Variants in MIPOL1 observed in about 807,000 individuals in gnomAD.
The protein encoded by MIPOL1 is mirror-image polydactyly 1.
MIPOL1 carries 57 observed loss-of-function variants against 60.9 expected under a neutral mutation model. That is an observed-to-expected ratio of 0.94 (90% CI 0.76 to 1.17). MIPOL1 has a LOEUF of 1.17. MIPOL1 is among the 50% of genes most tolerant of loss of function. The pLI is 0.00. For missense variants in MIPOL1, 551 were observed against 511.6 expected (o/e 1.08, Z -0.74); for synonymous variants, 179 against 168.8 (o/e 1.06, Z -0.47).
intron 9 of MIPOL1, among the ~76,000 whole-genome samples, chr14:37,336,281 T>A (rs548154891): frequency 1.3e-3 from 202 of 151,618 alleles, no homozygotes; most frequent in African/African-American, 4.8e-3. Flanking sequence ...CATGTCTGTC[T>A]TTATGCCAAT....
chr14:37,226,359 A>G (rs1969733559), intron 1 of MIPOL1, among the ~76,000 whole-genome samples: 1 of 152,346 alleles, frequency 6.6e-6, no homozygotes, highest in African/African-American at 2.4e-5. Flanking sequence ...TCACAGTTCC[A>G]TGTGGTGGAC....
chr14:37,206,946 G>A (rs1966187380), intron 1 of MIPOL1, among the ~76,000 whole-genome samples: 1 of 152,190 alleles, frequency 6.6e-6, no homozygotes, highest in African/African-American at 2.4e-5. Flanking sequence ...GCTCACAGGT[G>A]GAAAAGACTT....
At position 37,499,380 on chromosome 14, in the gene MIPOL1, A is replaced by G. The variant is rs560308070; in HGVS notation, c.1032-528A>G. On this transcript the variant is annotated intron_variant, in intron 11 of 12. Coordinates refer to ENST00000684589, the MANE Select transcript of MIPOL1 (RefSeq NM_001388067.1). ...TATGAATACATTTTATTTCTGTGCA[A>G]TCTGACTAGTGATTTTAAATTCATT... Among the ~76,000 whole-genome samples, 26 of 152,306 alleles carry G rather than the reference A, an allele frequency of 1.7e-4. No homozygotes were observed. The East Asian group carries it at 4.2e-3, about 25-fold the overall frequency.
intron 10 of MIPOL1, chr14:37,399,907 T>G (rs1040550700): frequency 4.6e-5 from 7 of 152,142 alleles, no homozygotes; most frequent in Admixed American, 1.3e-4. Context: ...ACTGGGACTT[T>G]TTACATCCCA....
intron 1 of MIPOL1, among the ~76,000 whole-genome samples, chr14:37,228,186 A>AT (rs930904853): frequency 6.6e-6 from 1 of 152,014 alleles, no homozygotes; most frequent in African/African-American, 2.4e-5. Context: ...CACATTACAC[A>AT]TTTTTCTCTC....
intron 9 of MIPOL1, among the ~76,000 whole-genome samples, chr14:37,327,551 C>G (rs965365786): frequency 1.3e-5 from 2 of 152,174 alleles, no homozygotes; most frequent in African/African-American, 4.8e-5. Flanking sequence ...TTCCAAAGTG[C>G]CAGGATTACA....
chr14:37,435,853 C>T (rs1403123154), intron 11 of MIPOL1, among the ~76,000 whole-genome samples: 2 of 152,046 alleles, frequency 1.3e-5, no homozygotes, highest in Admixed American at 1.3e-4. Flanking sequence ...GCATGGTAAC[C>T]TGCACAAATT....
rs138314185 is a variant in MIPOL1 at position 37,365,522 on chromosome 14, G to A, written c.829-3995G>A. Among the ~76,000 whole-genome samples, 289 of 152,120 alleles carry A rather than the reference G, an allele frequency of 1.9e-3. 2 individuals are homozygous for A. Among genetic ancestry groups the A allele is most frequent in the South Asian group, 0.015 (73 of 4,822 alleles). On this transcript the variant is annotated intron_variant, in intron 9 of 12. Transcript: ENST00000684589. ...TGATGTATCACATTGATTGATTTGCGTATGTTGAATCATCCTTGCATCCCA... is the reference window on the plus strand; with the variant it reads ...TGATGTATCACATTGATTGATTTGCATATGTTGAATCATCCTTGCATCCCA...
intron 11 of MIPOL1, among the ~76,000 whole-genome samples, chr14:37,430,083 C>T (rs573954612): frequency 1.3e-5 from 2 of 152,174 alleles, no homozygotes; most frequent in South Asian, 4.1e-4. Context: ...TTTTGTCACA[C>T]CTCTGTTTTC....
intron 5 of MIPOL1, among the ~76,000 whole-genome samples, chr14:37,270,109 G>A (rs569640092): frequency 6.6e-6 from 1 of 152,226 alleles, no homozygotes; most frequent in East Asian, 1.9e-4. Context: ...GATTACAGGC[G>A]TGAGCAACCA....
intron 1 of MIPOL1, among the ~76,000 whole-genome samples, chr14:37,198,464 C>T (rs8008529): frequency 0.044 from 6,695 of 152,172 alleles, 289 homozygotes; most frequent in Admixed American, 0.099. Flanking sequence ...CTCTGATCGA[C>T]TCTGTGCCCA....
intron 10 of MIPOL1, among the ~76,000 whole-genome samples, chr14:37,396,693 T>G (rs1566517916): frequency 2.0e-5 from 3 of 152,076 alleles, no homozygotes. Context: ...TTCTTAGTCT[T>G]TGTTGGATTG....
At chr14:37,491,895 T>C (rs1406523273) in intron 11 of MIPOL1, among the ~76,000 whole-genome samples, 2 of 152,230 alleles carry the variant, frequency 1.3e-5, no homozygotes, top group East Asian at 3.8e-4. Context: ...TACACACTCT[T>C]ATCCATTCTG....
At position 37,285,328 on chromosome 14, in the gene MIPOL1, A is replaced by G. The variant is rs773724958; in HGVS notation, c.504A>G (p.Glu168=). 6 of 1,613,892 alleles carry G rather than the reference A, an allele frequency of 3.7e-6. No homozygotes were observed. The African/African-American group carries it at 8.0e-5, about 22-fold the overall frequency. ...KIAEKTAALV[E]EVYFAQKERD... ...TATATATTTTGGTAGCTCTGGTTGA[A>G]GAAGTGTATTTTGCGCAGAAGGAAC... Residue 168 remains glutamate, a synonymous_variant, in exon 7 of 13, where the codon GAA becomes GAG. Transcript: ENST00000684589.
chr14:37,482,792 A>T (rs1469110368), intron 11 of MIPOL1, among the ~76,000 whole-genome samples: 1 of 152,106 alleles, frequency 6.6e-6, no homozygotes, highest in Non-Finnish European at 1.5e-5. Flanking sequence ...ACAAAAGTTA[A>T]CAAGTGTCAG....
chr14:37,332,710 G>T (rs2089812283), intron 9 of MIPOL1, among the ~76,000 whole-genome samples: 1 of 134,608 alleles, frequency 7.4e-6, no homozygotes, highest in South Asian at 2.5e-4. Flanking sequence ...AATTTTAGTT[G>T]TCAATCTGTG....
chr14:37,355,216 A>G (rs2091713807), intron 9 of MIPOL1, among the ~76,000 whole-genome samples: 2 of 144,484 alleles, frequency 1.4e-5, no homozygotes, highest in Non-Finnish European at 1.5e-5. Flanking sequence ...CTTTTCTTTA[A>G]GAATGTTGAA....
At chr14:37,366,430 G>A (rs553197080) in intron 9 of MIPOL1, among the ~76,000 whole-genome samples, 27 of 151,866 alleles carry the variant, frequency 1.8e-4, no homozygotes, top group Non-Finnish European at 3.7e-4. Flanking sequence ...GGAGCATATT[G>A]TTTAATTTTG....
chr14:37,200,431 G>A (rs922364176), intron 1 of MIPOL1, among the ~76,000 whole-genome samples: 9 of 152,208 alleles, frequency 5.9e-5, no homozygotes, highest in Admixed American at 3.9e-4. Context: ...CAGACCACAA[G>A]TTATTCAAGA....
Sources: gnomAD v4.1 joint callset for allele counts (sites outside exome capture counted in the v4.1 genomes callset) on GRCh38, gnomAD v4.1.1 for gene constraint, MANE v1.5 for transcripts, NCBI Gene and HGNC (gene_info 2026-07-23, HGNC 2026-07-21) for gene names.